Variants in VEZT observed in about 807,000 individuals in gnomAD.
VEZT encodes the protein vezatin.
A neutral mutation model predicts 79.9 loss-of-function variants in VEZT; 39 were observed. That is an observed-to-expected ratio of 0.49 (90% CI 0.38 to 0.64). The LOEUF is 0.64. Ranked by LOEUF, VEZT falls within the 30% of genes least tolerant of loss-of-function variation. VEZT has a pLI of 0.00. For missense variants in VEZT, 837 were observed against 893.1 expected, an observed-to-expected ratio of 0.94 and a Z score of 0.80; for synonymous variants, 325 against 327.6, an observed-to-expected ratio of 0.99 and a Z score of 0.09.
At chr12:95,297,962 A>G (rs1343015198) in intron 11 of VEZT, among the ~76,000 whole-genome samples, 2 of 152,018 alleles carry the variant, frequency 1.3e-5, no homozygotes, top group African/African-American at 4.8e-5. Context: ...TCTACTAAAA[A>G]TACAAAAATT....
intron 1 of VEZT, among the ~76,000 whole-genome samples, chr12:95,234,030 A>G (rs2059644139): frequency 1.3e-5 from 2 of 152,184 alleles, no homozygotes; most frequent in African/African-American, 4.8e-5. Flanking sequence ...GCCAAAACTG[A>G]GTATTCTCAG....
At chr12:95,220,661 C>CT (rs1424632986) in intron 1 of VEZT, among the ~76,000 whole-genome samples, 1 of 151,174 alleles carries the variant, frequency 6.6e-6, no homozygotes, top group Non-Finnish European at 1.5e-5. Context: ...TCCTCTCTGG[C>CT]TTTATTTGTG....
chr12:95,279,355 C>A (rs1293578993), intron 7 of VEZT, among the ~76,000 whole-genome samples: 1 of 152,080 alleles, frequency 6.6e-6, no homozygotes. Context: ...AGTCCTTATC[C>A]CTCTCTTTTC....
intron 4 of VEZT, among the ~76,000 whole-genome samples, 186 bp downstream of exon 4, chr12:95,263,267 A>G (rs1342635157): frequency 6.6e-6 from 1 of 152,180 alleles, no homozygotes; most frequent in Non-Finnish European, 1.5e-5. Flanking sequence ...GAAGCTAGGG[A>G]AAAAAATCCA....
At chr12:95,278,663 A>AG (rs2068307819) in intron 7 of VEZT, among the ~76,000 whole-genome samples, 1 of 152,242 alleles carries the variant, frequency 6.6e-6, no homozygotes, top group East Asian at 1.9e-4. Flanking sequence ...ATCTTCCCTC[A>AG]GGAAAGTTTA....
Position 95,282,081 on chromosome 12 carries a change from G to T in VEZT, c.997-232G>T, listed in dbSNP as rs1398555752. On this transcript the variant is annotated intron_variant, in intron 7 of 11. Coordinates refer to ENST00000436874, the MANE Select transcript of VEZT (RefSeq NM_017599.4). ...AACACTTCCCATCTAGGGCAGAACTGTAGTAAATTATATATTGATGTTACC... is the reference window on the plus strand; with the variant it reads ...AACACTTCCCATCTAGGGCAGAACTTTAGTAAATTATATATTGATGTTACC... Among the ~76,000 whole-genome samples the T allele has an allele frequency of 4.6e-5, 7 of 152,122 alleles. No homozygotes were observed. In the East Asian group the frequency reaches 1.4e-3, roughly 29 times the overall value.
At chr12:95,296,362 G>A in intron 11 of VEZT, 104 bp downstream of exon 11, 1 of 1,100,284 alleles carries the variant, frequency 9.1e-7, no homozygotes, top group Non-Finnish European at 1.3e-6. Flanking sequence ...GGTTTTATAA[G>A]GGTCCACCAG....
rs1264045140 is a variant in VEZT at position 95,265,480 on chromosome 12, GA to G, written c.435-873del. On this transcript the variant is annotated intron_variant, in intron 4 of 11. Transcript: ENST00000436874. ...CTATGCAAATAAAGTTTGATTTTAG[GA>G]AAAGGGATTTATAATATCTCTGAAA... 3.3e-5 allele frequency among the ~76,000 whole-genome samples: 5 copies of G among 149,326 alleles called. No homozygotes were observed. The East Asian group carries it at 7.8e-4, about 23-fold the overall frequency.
chr12:95,255,158 A>G (rs1436939754), intron 2 of VEZT, among the ~76,000 whole-genome samples: 1 of 152,028 alleles, frequency 6.6e-6, no homozygotes, highest in Non-Finnish European at 1.5e-5. Flanking sequence ...CACCCCCAAA[A>G]CAAACAAACA....
At chr12:95,285,957 A>C (rs2070671038) in intron 8 of VEZT, among the ~76,000 whole-genome samples, 1 of 149,552 alleles carries the variant, frequency 6.7e-6, no homozygotes, top group Non-Finnish European at 1.5e-5. Flanking sequence ...TAAATAAAAA[A>C]CCAAGACGCT....
chr12:95,272,457 G>C (rs937552805), intron 6 of VEZT, among the ~76,000 whole-genome samples: 4 of 152,190 alleles, frequency 2.6e-5, no homozygotes, highest in Non-Finnish European at 4.4e-5. Context: ...ACCATCATGA[G>C]TTGAGCACAG....
At chr12:95,267,807 A>T (rs2065818648) in intron 5 of VEZT, among the ~76,000 whole-genome samples, 1 of 151,742 alleles carries the variant, frequency 6.6e-6, no homozygotes. Flanking sequence ...GGATCACTTG[A>T]GCCCAGGAGT....
intron 3 of VEZT, among the ~76,000 whole-genome samples, chr12:95,261,744 T>A (rs2064543859): frequency 6.6e-6 from 1 of 152,210 alleles, no homozygotes; most frequent in Admixed American, 6.5e-5. Context: ...AAATACAACT[T>A]TAAATTTTCT....
At chr12:95,239,808 C>T (rs2060645207) in intron 1 of VEZT, among the ~76,000 whole-genome samples, 1 of 152,062 alleles carries the variant, frequency 6.6e-6, no homozygotes, top group Non-Finnish European at 1.5e-5. Context: ...AAAAATTAGC[C>T]AGGTGTGGTG....
At chr12:95,284,900 A>G (rs1235941774) in intron 8 of VEZT, among the ~76,000 whole-genome samples, 2 of 152,030 alleles carry the variant, frequency 1.3e-5, no homozygotes, top group Non-Finnish European at 1.5e-5. Flanking sequence ...CCTGGCTAAC[A>G]TGGTGAAACC....
In VEZT at chr12:95,262,924, G is replaced by A. The variant is rs748995947; in HGVS notation, c.277G>A (p.Asp93Asn). Residue 93 changes from aspartate to asparagine, a missense_variant, in exon 4 of 12, where the codon GAC becomes AAC. Physicochemically the swap from Asp to Asn is conservative, Grantham distance 23 (BLOSUM62 1). Transcript: ENST00000436874. ...TGGCAAGGATATTGGATTCCGACTCGACTCATTACATACCATCCTGCAACA... is the reference window on the plus strand; with the variant it reads ...TGGCAAGGATATTGGATTCCGACTCAACTCATTACATACCATCCTGCAACA... The part of the protein sequence containing the change: ...LHKLDIGFRL[D>N]SLHTILQQEV... 30 of 1,594,556 alleles carry A rather than the reference G, an allele frequency of 1.9e-5. No homozygotes were observed. Among genetic ancestry groups the A allele is most frequent in the East Asian group, 4.5e-5 (2 of 44,608 alleles).
intron 1 of VEZT, among the ~76,000 whole-genome samples, chr12:95,241,663 G>T (rs2061041028): frequency 6.6e-6 from 1 of 152,116 alleles, no homozygotes; most frequent in Admixed American, 6.6e-5. Context: ...ATGTGGGGAG[G>T]GGGAGTTGTG....
At chr12:95,235,957 C>T (rs1422718234) in intron 1 of VEZT, among the ~76,000 whole-genome samples, 1 of 151,242 alleles carries the variant, frequency 6.6e-6, no homozygotes, top group East Asian at 2.0e-4. Flanking sequence ...CGGGAAGAGG[C>T]GCTCCTCACT....
At chr12:95,278,883 A>G (rs905576974) in intron 7 of VEZT, among the ~76,000 whole-genome samples, 1 of 152,220 alleles carries the variant, frequency 6.6e-6, no homozygotes, top group African/African-American at 2.4e-5. Flanking sequence ...AGCCTGACCA[A>G]CATGGAGATA....
Sources: allele counts gnomAD v4.1 joint callset (sites outside exome capture counted in the v4.1 genomes callset), GRCh38; gene constraint gnomAD v4.1.1; transcripts MANE v1.5; gene names NCBI Gene and HGNC (gene_info 2026-07-23, HGNC 2026-07-21).